The following BID variants were observed in gnomAD, a reference collection of about 807,000 sequenced individuals.
BID encodes the protein BH3-interacting domain death agonist.
In BID, 19 loss-of-function variants were observed where a neutral mutation model predicts 17.4. The observed-to-expected ratio is 1.09, with a 90% confidence interval of 0.76 to 1.60. The LOEUF is 1.60. Among genes scored for constraint, BID ranks in the 40% most tolerant of loss-of-function variants. The probability of loss-of-function intolerance (pLI) is 0.00; values close to 1 mark genes in which losing one functional copy is unlikely to be tolerated. For synonymous variants in BID, 108 were observed against 102.8 expected (o/e 1.05, Z -0.31); for missense variants, 226 against 256.0 (o/e 0.88, Z 0.80).
At chr22:17,741,372 T>G (rs2061457877) in intron 3 of BID, among the ~76,000 whole-genome samples, 1 of 152,160 alleles carries the variant, frequency 6.6e-6, no homozygotes, top group Non-Finnish European at 1.5e-5. Context: ...ACCTCTCAAG[T>G]GCTCATCTCT....
intron 1 of BID, among the ~76,000 whole-genome samples, chr22:17,756,599 G>A (rs2061593215): frequency 8.7e-6 from 1 of 115,200 alleles, no homozygotes; most frequent in Non-Finnish European, 1.9e-5. Flanking sequence ...TTTTTGAGAT[G>A]GAGTCTCGCT....
intron 3 of BID, chr22:17,739,815 C>T (rs1601836658): frequency 3.4e-6 from 2 of 586,954 alleles, no homozygotes; most frequent in Admixed American, 3.0e-5. Flanking sequence ...TCATGGCTCA[C>T]ACCACACAAC....
chr22:17,740,947 C>A (rs2145876505), intron 3 of BID: 1 of 152,276 alleles, frequency 6.6e-6, no homozygotes, highest in Non-Finnish European at 1.5e-5. Flanking sequence ...TACCTAGCTC[C>A]CAGTAAGTGT....
Position 17,735,216 on chromosome 22 carries a change from A to G in BID, c.*364T>C, listed in dbSNP as rs1307086864. On this transcript the variant is annotated 3_prime_UTR_variant, in exon 6 of 6. Coordinates refer to ENST00000622694, the MANE Select transcript of BID (RefSeq NM_001196.4). ...AATAAACAGTAATTTTTTTTTACCA[A>G]AAAAATTGTATTTTGTTTCTACTTC... The G allele has an allele frequency of 4.6e-6, 1 of 218,766 alleles. No homozygotes were observed. The highest frequency in any genetic ancestry group is 2.3e-5 in the African/African-American group (1 of 43,116). The allele number at this position is 218,766 out of a possible 1,614,324, so 13.6% of individuals were successfully genotyped here.
At chr22:17,763,392 C>T (rs1455730598) in intron 1 of BID, among the ~76,000 whole-genome samples, 1 of 151,982 alleles carries the variant, frequency 6.6e-6, no homozygotes, top group Non-Finnish European at 1.5e-5. Context: ...TACAGGTGAC[C>T]GCCACCACAC....
intron 1 of BID, among the ~76,000 whole-genome samples, chr22:17,768,644 C>T (rs747006671): frequency 1.3e-5 from 2 of 152,142 alleles, no homozygotes; most frequent in Non-Finnish European, 2.9e-5. Flanking sequence ...GAGGCCGAGG[C>T]GGGTGGATCA....
intron 1 of BID, among the ~76,000 whole-genome samples, chr22:17,755,356 A>G (rs529020661): frequency 2.6e-5 from 4 of 152,110 alleles, no homozygotes; most frequent in African/African-American, 7.2e-5. Context: ...GTGAACACAC[A>G]TGGACCATGG....
intron 1 of BID, among the ~76,000 whole-genome samples, chr22:17,772,842 G>T (rs1957530904): frequency 6.6e-6 from 1 of 151,698 alleles, no homozygotes; most frequent in Non-Finnish European, 1.5e-5. Flanking sequence ...CCTCCCCCTA[G>T]AATCCCCCAT....
chr22:17,773,783 C>A lies in BID; in HGVS notation c.-59+598G>T. ...TCTCCCAGGGTCCCCTGGGGTCATT[C>A]AGCCACTCAACAGTTTCCCAGCAGC... On this transcript the variant is annotated intron_variant, in intron 1 of 5. Transcript: ENST00000622694. This position sits in a 1 kb window ranked among gnomAD's most constrained non-coding sequence, Gnocchi z 4.4. The A allele has an allele frequency of 2.5e-6, 3 of 1,192,324 alleles. No individual in the cohort carries two copies. Among genetic ancestry groups the A allele is most frequent in the Non-Finnish European group, 3.6e-6 (3 of 835,648 alleles). The allele number at this position is 1,192,324 out of a possible 1,614,324, so 73.9% of individuals were successfully genotyped here. A position where few individuals can be genotyped will look rare whatever the true frequency, so the allele number is the denominator to read the frequency against.
Position 17,735,353 on chromosome 22 carries a change from CCATT to C in BID, c.*223_*226del, listed in dbSNP as rs1477196403. The C allele has an allele frequency of 7.1e-6, 4 of 564,300 alleles. No individual in the cohort carries two copies. In the African/African-American group the frequency reaches 7.6e-5, roughly 11 times the overall value. The allele number at this position is 564,300 out of a possible 1,614,324, so 35.0% of individuals were successfully genotyped here. ...GATTCATGTGTGGATGATATGAAGG[CCATT>C]CAAATACGTGTAAATGGACATTTTC... On this transcript the variant is annotated 3_prime_UTR_variant, in exon 6 of 6. Coordinates refer to ENST00000622694, the MANE Select transcript of BID (RefSeq NM_001196.4).
chr22:17,756,327 A>AAAACTG (rs2061582699), intron 1 of BID, among the ~76,000 whole-genome samples: 1 of 152,244 alleles, frequency 6.6e-6, no homozygotes, highest in East Asian at 1.9e-4. Flanking sequence ...AACTGGGCCC[A>AAAACTG]ACAGCCACAA....
chr22:17,766,643 G>A (rs1035204582), intron 1 of BID, among the ~76,000 whole-genome samples: 4 of 151,738 alleles, frequency 2.6e-5, no homozygotes, highest in African/African-American at 9.7e-5. Context: ...AGGCTGGAGT[G>A]CAATGGTGTG....
chr22:17,768,191 C>T (rs1354582928), intron 1 of BID, among the ~76,000 whole-genome samples: 1 of 152,196 alleles, frequency 6.6e-6, no homozygotes, highest in African/African-American at 2.4e-5. Context: ...TGGTGACGGT[C>T]GCACACCGTG....
chr22:17,766,248 C>T (rs2061677432), intron 1 of BID, among the ~76,000 whole-genome samples: 1 of 151,376 alleles, frequency 6.6e-6, no homozygotes, highest in Non-Finnish European at 1.5e-5. Context: ...TTAAAATATT[C>T]CAGTTTGTTT....
At chr22:17,756,398 C>CTTTA (rs1235838518) in intron 1 of BID, among the ~76,000 whole-genome samples, 1 of 140,894 alleles carries the variant, frequency 7.1e-6, no homozygotes, top group Non-Finnish European at 1.5e-5. Flanking sequence ...CTCTTTCTTT[C>CTTTA]TTTTCTTTTT....
chr22:17,761,562 G>A (rs1601872222), intron 1 of BID, among the ~76,000 whole-genome samples: 3 of 151,698 alleles, frequency 2.0e-5, no homozygotes, highest in Admixed American at 2.0e-4. Context: ...CTCCCGAGTA[G>A]CTGGGACTAC....
intron 1 of BID, among the ~76,000 whole-genome samples, chr22:17,768,217 T>A (rs1483458151): frequency 6.6e-6 from 1 of 152,220 alleles, no homozygotes; most frequent in Non-Finnish European, 1.5e-5. Flanking sequence ...ACTAAGCCAC[T>A]GAACTGTGCC....
Position 17,773,993 on chromosome 22 carries a change from C to G in BID, c.-59+388G>C, listed in dbSNP as rs1469329977. 4.1e-6 allele frequency: 2 copies of G among 484,916 alleles called. No individual in the cohort carries two copies. The highest frequency in any genetic ancestry group is 7.4e-6 in the Non-Finnish European group (2 of 268,510). The allele number at this position is 484,916 out of a possible 1,614,324, so 30.0% of individuals were successfully genotyped here. ...ATCCGCCGGCAAGGGTGGCCTGCACCCGGCCAGGCCCGCGGGTTTTCTCCT... is the reference window on the plus strand; with the variant it reads ...ATCCGCCGGCAAGGGTGGCCTGCACGCGGCCAGGCCCGCGGGTTTTCTCCT... On this transcript the variant is annotated intron_variant, in intron 1 of 5. Transcript: ENST00000622694. The surrounding 1 kb of genome is among the most constrained non-coding windows in gnomAD (Gnocchi z 4.4).
chr22:17,771,240 T>C (rs5992823), intron 1 of BID, among the ~76,000 whole-genome samples: 54,090 of 152,044 alleles, frequency 0.36, 13,027 homozygotes, highest in African/African-American at 0.68. Flanking sequence ...GCTGGGACTA[T>C]GGGCGCCCCC....
Sources: gnomAD v4.1 joint callset for allele counts (sites outside exome capture counted in the v4.1 genomes callset) on GRCh38, gnomAD v4.1.1 for gene constraint, Gnocchi (gnomAD v3.1) non-coding constraint, MANE v1.5 for transcripts, NCBI Gene and HGNC (gene_info 2026-07-23, HGNC 2026-07-21) for gene names.